Variants in MGAT4C observed in about 807,000 individuals in gnomAD.
The protein encoded by MGAT4C is alpha-1,3-mannosyl-glycoprotein 4-beta-N-acetylglucosaminyltransferase C.
MGAT4C carries 19 observed loss-of-function variants against 40.1 expected under a neutral mutation model. That is an observed-to-expected ratio of 0.47 (90% confidence interval 0.33 to 0.70). The LOEUF is 0.70. Ranked by LOEUF, MGAT4C falls within the 30% of genes least tolerant of loss-of-function variation. The probability of loss-of-function intolerance (pLI) is 0.02; values close to 1 mark genes in which losing one functional copy is unlikely to be tolerated. For missense variants in MGAT4C, 491 were observed against 563.2 expected (o/e 0.87, Z 1.30); for synonymous variants, 181 against 187.1 (o/e 0.97, Z 0.27).
chr12:86,104,071 T>A (rs780127482), intron 1 of MGAT4C, among the ~76,000 whole-genome samples: 11 of 152,030 alleles, frequency 7.2e-5, no homozygotes, highest in Non-Finnish European at 1.5e-4. Flanking sequence ...GGGCACTTTA[T>A]TTTTTATCAG....
chr12:86,245,186 G>A (rs1252968440), intron 1 of MGAT4C, among the ~76,000 whole-genome samples: 2 of 152,142 alleles, frequency 1.3e-5, no homozygotes, highest in African/African-American at 4.8e-5. Context: ...CATCCTATGG[G>A]TAGAAATCCA....
rs1461047255 is a variant in MGAT4C, at chr12:85,976,280, T to A, written c.*3009A>T. On this transcript the variant is annotated 3_prime_UTR_variant, in exon 5 of 5. Transcript: ENST00000611864. ...TCATACCTGGAAAATATCTACTTTATAAATAGCACAAAGTTATAGTTTTCA... is the reference window on the plus strand; with the variant it reads ...TCATACCTGGAAAATATCTACTTTAAAAATAGCACAAAGTTATAGTTTTCA... 1.3e-5 allele frequency: 2 copies of A among 151,142 alleles called. No individual in the cohort carries two copies. The highest frequency in any genetic ancestry group is 1.3e-4 in the Admixed American group (2 of 15,114). 9.4% of individuals were successfully genotyped at this position (151,142 alleles called of 1,614,324 possible). A position where few individuals can be genotyped will look rare whatever the true frequency, so the allele number is the denominator to read the frequency against.
chr12:86,415,772 G>A (rs901311322), intron 3 of MGAT4C, among the ~76,000 whole-genome samples: 1 of 151,958 alleles, frequency 6.6e-6, no homozygotes, highest in East Asian at 1.9e-4. Context: ...AAGGTTAAAA[G>A]AAAACTAACA....
At chr12:86,337,677 CTTTG>C (rs1056258014) in intron 3 of MGAT4C, among the ~76,000 whole-genome samples, 40 of 150,014 alleles carry the variant, frequency 2.7e-4, no homozygotes, top group Admixed American at 4.7e-4. Flanking sequence ...GAAGCTAAAA[CTTTG>C]TTTGAGTAAA....
At chr12:86,459,614 A>C (rs1957563508) in intron 2 of MGAT4C, among the ~76,000 whole-genome samples, 1 of 151,656 alleles carries the variant, frequency 6.6e-6, no homozygotes, top group Admixed American at 6.6e-5. Context: ...AGAATTATAA[A>C]TTATTTATGA....
At position 86,517,806 on chromosome 12, in the gene MGAT4C, C is replaced by G. The variant is rs571902725; in HGVS notation, c.-228-82541G>C. Among the ~76,000 whole-genome samples the G allele has an allele frequency of 8.8e-3, 1,338 of 152,170 alleles. 9 individuals carry two copies. Among genetic ancestry groups the G allele is most frequent in the Non-Finnish European group, 0.012 (794 of 68,006 alleles). ...GACGACAGGCGCCCGCCACCACGCC[C>G]GGCTAATTTTGTTTTTGTATTTTTA... On this transcript the variant is annotated intron_variant, in intron 2 of 7. Coordinates refer to the MGAT4C transcript ENST00000548651.
chr12:86,209,489 G>T (rs972644875), intron 1 of MGAT4C, among the ~76,000 whole-genome samples: 4 of 151,978 alleles, frequency 2.6e-5, no homozygotes, highest in Non-Finnish European at 5.9e-5. Flanking sequence ...TTCTTATATT[G>T]TCAATCATGT....
At chr12:86,276,520 T>C (rs1953085066) in intron 4 of MGAT4C, among the ~76,000 whole-genome samples, 1 of 152,192 alleles carries the variant, frequency 6.6e-6, no homozygotes. Flanking sequence ...TATTCATTTT[T>C]TCTGTTTATT....
At chr12:86,442,082 C>T (rs1457631031) in intron 2 of MGAT4C, among the ~76,000 whole-genome samples, 1 of 152,140 alleles carries the variant, frequency 6.6e-6, no homozygotes, top group Non-Finnish European at 1.5e-5. Flanking sequence ...ATTTGCATTT[C>T]TCTGATGGCC....
intron 2 of MGAT4C, among the ~76,000 whole-genome samples, chr12:86,569,805 T>C (rs943131732): frequency 1.3e-5 from 2 of 152,062 alleles, no homozygotes; most frequent in African/African-American, 4.8e-5. Flanking sequence ...TGGCAATCGA[T>C]GAAGGGATTA....
At chr12:86,198,319 C>T (rs1171441829) in intron 1 of MGAT4C, among the ~76,000 whole-genome samples, 2 of 152,120 alleles carry the variant, frequency 1.3e-5, no homozygotes, top group Admixed American at 6.5e-5. Flanking sequence ...TGTTTTTCCC[C>T]TGGGATATTA....
chr12:86,154,326 G>A (rs1884653958), intron 1 of MGAT4C, among the ~76,000 whole-genome samples: 1 of 152,168 alleles, frequency 6.6e-6, no homozygotes, highest in Non-Finnish European at 1.5e-5. Flanking sequence ...CCCTGGAAAT[G>A]AGATGTTCGT....
intron 2 of MGAT4C, among the ~76,000 whole-genome samples, chr12:86,630,404 G>A (rs1392805798): frequency 6.6e-6 from 1 of 152,140 alleles, no homozygotes; most frequent in East Asian, 1.9e-4. Context: ...CTCATTTGAT[G>A]AGGCCAGTAT....
At chr12:86,599,023 A>G (rs1961653348) in intron 2 of MGAT4C, among the ~76,000 whole-genome samples, 1 of 152,144 alleles carries the variant, frequency 6.6e-6, no homozygotes, top group Admixed American at 6.6e-5. Flanking sequence ...AGGAATACAC[A>G]ATATACAAAA....
Position 85,979,799 on chromosome 12 carries a change from A to T in MGAT4C, c.927T>A (p.Phe309Leu). Reference protein sequence around the residue: ...KNVIRFKPSLFQHMGYYSSYK... With the variant: ...KNVIRFKPSLLQHMGYYSSYK... Reference sequence around the variant, plus strand: ...ATGATGAATAATAGCCCATGTGCTGAAAGAGAGATGGTTTAAAACGGATCA... The same window carrying T: ...ATGATGAATAATAGCCCATGTGCTGTAAGAGAGATGGTTTAAAACGGATCA... The change falls in exon 5 of 5, where the codon TTT becomes TTA. Residue 309 changes from phenylalanine (F) to leucine (L), a missense_variant. Physicochemically the swap from Phe to Leu is conservative, Grantham distance 22. Transcript: ENST00000611864. The T allele has an allele frequency of 1.2e-6, 2 of 1,613,746 alleles. No individual in the cohort carries two copies. Among genetic ancestry groups the T allele is most frequent in the South Asian group, 1.1e-5 (1 of 91,082 alleles).
At chr12:86,284,507 C>A (rs755785529) in intron 4 of MGAT4C, among the ~76,000 whole-genome samples, 1 of 151,828 alleles carries the variant, frequency 6.6e-6, no homozygotes, top group African/African-American at 2.4e-5. Context: ...ACCCAAAAAA[C>A]AAATCATATA....
intron 1 of MGAT4C, among the ~76,000 whole-genome samples, chr12:86,741,353 G>T (rs1951066286): frequency 6.6e-6 from 1 of 151,086 alleles, no homozygotes; most frequent in Non-Finnish European, 1.5e-5. Flanking sequence ...ATCAAACGTA[G>T]AAATTGCTGT....
chr12:86,780,286 G>T (rs1951815748), intron 1 of MGAT4C, among the ~76,000 whole-genome samples: 1 of 152,054 alleles, frequency 6.6e-6, no homozygotes, highest in South Asian at 2.1e-4. Flanking sequence ...TACAAGTGTG[G>T]TTTTATTACA....
intron 2 of MGAT4C, among the ~76,000 whole-genome samples, chr12:86,709,733 A>G (rs1017308016): frequency 6.6e-6 from 1 of 152,084 alleles, no homozygotes; most frequent in African/African-American, 2.4e-5. Context: ...TAAAATAAGT[A>G]TTTCTAACTA....
Sources: gnomAD v4.1 joint callset for allele counts (sites outside exome capture counted in the v4.1 genomes callset) on GRCh38, gnomAD v4.1.1 for gene constraint, MANE v1.5 for transcripts, NCBI Gene and HGNC (gene_info 2026-07-23, HGNC 2026-07-21) for gene names.